Variants in DIAPH3 observed in about 807,000 individuals in gnomAD.
DIAPH3 encodes protein diaphanous homolog 3.
A neutral mutation model predicts 144.3 loss-of-function variants in DIAPH3; 117 were observed. The observed-to-expected ratio is 0.81, with a 90% CI of 0.70 to 0.95. DIAPH3 has a LOEUF of 0.95. DIAPH3 is among the 40% of genes least tolerant of loss of function. The pLI, the probability that DIAPH3 is intolerant of heterozygous loss-of-function variation, is 0.00. For synonymous variants in DIAPH3, 519 were observed against 488.9 expected (o/e 1.06, Z -0.81); for missense variants, 1,421 against 1,412.7 (o/e 1.01, Z -0.09).
chr13:60,075,752 T>G (rs1335896917), intron 4 of DIAPH3, among the ~76,000 whole-genome samples: 1 of 152,146 alleles, frequency 6.6e-6, no homozygotes, highest in Non-Finnish European at 1.5e-5. Context: ...TCAGGTTTCC[T>G]CCATTACCTT....
chr13:59,967,371 G>A (rs1023468647), intron 17 of DIAPH3, among the ~76,000 whole-genome samples: 16 of 151,836 alleles, frequency 1.1e-4, no homozygotes, highest in Admixed American at 2.0e-4. Flanking sequence ...CATTGCACCC[G>A]GCCATAGTTT....
At chr13:60,044,710 A>G (rs542841687) in intron 4 of DIAPH3, among the ~76,000 whole-genome samples, 2 of 152,322 alleles carry the variant, frequency 1.3e-5, no homozygotes, top group South Asian at 4.1e-4. Context: ...ATATATTTGC[A>G]TATATTTATA....
intron 17 of DIAPH3, among the ~76,000 whole-genome samples, chr13:59,960,952 A>C (rs1345805437): frequency 1.3e-5 from 2 of 152,202 alleles, no homozygotes; most frequent in Admixed American, 6.5e-5. Context: ...TTAATGAAGC[A>C]CTTGACATTT....
intron 1 of DIAPH3, among the ~76,000 whole-genome samples, chr13:60,161,131 C>T (rs1392191297): frequency 6.6e-6 from 1 of 152,204 alleles, no homozygotes; most frequent in African/African-American, 2.4e-5. Context: ...ACCTAAATTA[C>T]TCCTATCCAT....
At chr13:59,993,443 A>G (rs2051970543) in intron 9 of DIAPH3, among the ~76,000 whole-genome samples, 1 of 151,736 alleles carries the variant, frequency 6.6e-6, no homozygotes, top group South Asian at 2.1e-4. Flanking sequence ...CTACTGATCA[A>G]TATGTTTAAC....
intron 1 of DIAPH3, among the ~76,000 whole-genome samples, chr13:60,162,351 A>C (rs1480300698): frequency 6.6e-6 from 1 of 152,158 alleles, no homozygotes; most frequent in Non-Finnish European, 1.5e-5. Flanking sequence ...ATAAAATAAG[A>C]TTATTAACCC....
chr13:60,142,766 A>AT (rs1381783523), intron 1 of DIAPH3, among the ~76,000 whole-genome samples: 1 of 150,972 alleles, frequency 6.6e-6, no homozygotes, highest in African/African-American at 2.4e-5. Context: ...ATTTTTTATT[A>AT]TTTTTTTTAG....
At chr13:60,085,342 G>A (rs990757238) in intron 4 of DIAPH3, among the ~76,000 whole-genome samples, 1 of 151,956 alleles carries the variant, frequency 6.6e-6, no homozygotes, top group Non-Finnish European at 1.5e-5. Flanking sequence ...AATAGTAAAT[G>A]GTCCATGCTT....
chr13:59,839,115 TAAAC>T (rs567680620), intron 23 of DIAPH3: 200 of 465,554 alleles, frequency 4.3e-4, no homozygotes, highest in East Asian at 1.2e-3. Context: ...AATAAATAAA[TAAAC>T]AAACAGACAG....
At chr13:59,797,461 T>G (rs1373459722) in intron 25 of DIAPH3, among the ~76,000 whole-genome samples, 2 of 152,228 alleles carry the variant, frequency 1.3e-5, no homozygotes, top group Non-Finnish European at 2.9e-5. Flanking sequence ...ATTTTTATAA[T>G]TTCTTTTGTC....
chr13:60,004,945 C>T (rs923816809), intron 9 of DIAPH3, among the ~76,000 whole-genome samples: 1 of 152,164 alleles, frequency 6.6e-6, no homozygotes, highest in Non-Finnish European at 1.5e-5. Context: ...GTATCATTCC[C>T]GTGACTTCCA....
chr13:59,680,313 G>C (rs527732619), intron 27 of DIAPH3, among the ~76,000 whole-genome samples: 1 of 152,166 alleles, frequency 6.6e-6, no homozygotes, highest in Non-Finnish European at 1.5e-5. Context: ...TCAGTGTTGA[G>C]AGCTTGTTAT....
intron 17 of DIAPH3, among the ~76,000 whole-genome samples, chr13:59,930,122 G>A (rs1380858099): frequency 6.6e-6 from 1 of 151,982 alleles, no homozygotes; most frequent in Non-Finnish European, 1.5e-5. Flanking sequence ...TGTACTCCTA[G>A]GTATTGTGTA....
At chr13:60,003,257 C>A (rs2052630616) in intron 9 of DIAPH3, among the ~76,000 whole-genome samples, 1 of 151,976 alleles carries the variant, frequency 6.6e-6, no homozygotes. Flanking sequence ...ATTCCCTGGG[C>A]CTACCAGAAA....
At chr13:59,884,253 G>T (rs1480109681) in intron 20 of DIAPH3, among the ~76,000 whole-genome samples, 1 of 152,122 alleles carries the variant, frequency 6.6e-6, no homozygotes, top group Non-Finnish European at 1.5e-5. Context: ...ATCACCCTCA[G>T]ATGGGTCCAT....
chr13:59,772,036 A>G (rs1434374716), intron 27 of DIAPH3, among the ~76,000 whole-genome samples: 1 of 152,102 alleles, frequency 6.6e-6, no homozygotes, highest in Non-Finnish European at 1.5e-5. Flanking sequence ...AATATTAGAC[A>G]TCAATTTTAA....
intron 1 of DIAPH3, among the ~76,000 whole-genome samples, chr13:60,137,564 A>G (rs2059316928): frequency 6.6e-6 from 1 of 152,104 alleles, no homozygotes; most frequent in African/African-American, 2.4e-5. Flanking sequence ...TGGTTAGCAT[A>G]TCTGAACTAG....
intron 14 of DIAPH3, among the ~76,000 whole-genome samples, chr13:59,976,143 G>A (rs1356604383): frequency 1.3e-5 from 2 of 151,804 alleles, no homozygotes; most frequent in African/African-American, 4.8e-5. Flanking sequence ...CTTTTTCAAA[G>A]GGTATTCTTA....
chr13:59,674,594 G>A (rs998508210), intron 27 of DIAPH3, among the ~76,000 whole-genome samples: 1 of 151,974 alleles, frequency 6.6e-6, no homozygotes, highest in Non-Finnish European at 1.5e-5. Context: ...TCTCCATCAC[G>A]ATCTCACAGC....
Sources: allele counts gnomAD v4.1 joint callset (sites outside exome capture counted in the v4.1 genomes callset), GRCh38; gene constraint gnomAD v4.1.1; transcripts MANE v1.5; gene names NCBI Gene and HGNC (gene_info 2026-07-23, HGNC 2026-07-21).